The following PCDH11X variants were observed in gnomAD, a reference collection of about 807,000 sequenced individuals.
The protein encoded by PCDH11X is protocadherin 11 X-linked.
A neutral mutation model predicts 53.3 loss-of-function variants in PCDH11X; 18 were observed. The ratio of observed to expected loss-of-function variants is 0.34; its 90% CI spans 0.23 to 0.50. The LOEUF (loss-of-function observed/expected upper bound fraction) is 0.50. PCDH11X is among the 20% of genes least tolerant of loss of function. The pLI, the probability that PCDH11X is intolerant of heterozygous loss-of-function variation, is 0.98. For missense variants in PCDH11X, 570 were observed against 1,032.4 expected (o/e 0.55, Z 6.14); for synonymous variants, 279 against 393.3 (o/e 0.71, Z 3.44).
At chrX:92,276,838 C>G (rs2068105197) in intron 8 of PCDH11X, among the ~76,000 whole-genome samples, 1 of 111,354 alleles carries the variant, frequency 9.0e-6, no homozygotes, top group Non-Finnish European at 1.9e-5. Flanking sequence ...AGGGTTGCTG[C>G]CAAACGAGTC....
chrX:92,118,992 C>T (rs995708513), intron 6 of PCDH11X, among the ~76,000 whole-genome samples: 1 of 110,445 alleles, frequency 9.1e-6, no homozygotes, highest in Non-Finnish European at 1.9e-5. Flanking sequence ...CCGCCCTCCT[C>T]AGCCTCCCAA....
At chrX:91,947,438 A>C (rs1467020964) in intron 6 of PCDH11X, among the ~76,000 whole-genome samples, 1 of 98,675 alleles carries the variant, frequency 1.0e-5, no homozygotes, top group Non-Finnish European at 2.1e-5. Context: ...TGTCATTTTT[A>C]AGATGCACCT....
Position 92,622,934 on chromosome X carries a change from G to T in PCDH11X, c.*3994G>T, listed in dbSNP as rs924587371. 1.3e-4 allele frequency: 15 copies of T among 111,345 alleles called. No homozygotes were observed. Among genetic ancestry groups the T allele is most frequent in the African/African-American group, 4.6e-4 (14 of 30,642 alleles). The allele number at this position is 111,345 out of a possible 1,213,427, so 9.2% of individuals were successfully genotyped here. A position where few individuals can be genotyped will look rare whatever the true frequency, so the allele number is the denominator to read the frequency against. Reference sequence around the variant, plus strand: ...GTGATTGTAAGTGATACTTTTTAAAGAGTAAACTGTGTGAAATTTATACTA... The same window carrying T: ...GTGATTGTAAGTGATACTTTTTAAATAGTAAACTGTGTGAAATTTATACTA... On this transcript the variant is annotated 3_prime_UTR_variant, in exon 11 of 11. Coordinates refer to ENST00000682573, the MANE Select transcript of PCDH11X (RefSeq NM_032968.5).
At chrX:92,279,649 C>CTTTT (rs2068202894) in intron 8 of PCDH11X, among the ~76,000 whole-genome samples, 1 of 112,176 alleles carries the variant, frequency 8.9e-6, no homozygotes, top group Non-Finnish European at 1.9e-5. Flanking sequence ...TTTAAACAAA[C>CTTTT]GCTCCTATTA....
At chrX:92,522,539 G>A (rs1312500185) in intron 10 of PCDH11X, among the ~76,000 whole-genome samples, 8 of 111,079 alleles carry the variant, frequency 7.2e-5, no homozygotes, top group African/African-American at 2.6e-4. Flanking sequence ...GTAAGCACAC[G>A]CTGTTAGAAA....
chrX:92,113,222 C>G (rs1235246526), intron 6 of PCDH11X: 1 of 1,172,294 alleles, frequency 8.5e-7, no homozygotes. Flanking sequence ...CTGGCTGGGG[C>G]TGGGTGGCAG....
rs754821731 is a variant in PCDH11X, at chrX:91,801,404, T to C, written c.-378-8062T>C. 5.5e-5 allele frequency among the ~76,000 whole-genome samples: 6 copies of C among 109,972 alleles called. No individual in the cohort carries two copies. The East Asian group carries it at 1.7e-3, about 32-fold the overall frequency. On this transcript the variant is annotated intron_variant, in intron 1 of 10. Coordinates refer to ENST00000682573, the MANE Select transcript of PCDH11X (RefSeq NM_032968.5). ...TCGGCTGCATATTGTGCCTGAATAA[T>C]GGAGATTTCTTCAACAGAAACTGTT...
intron 6 of PCDH11X, among the ~76,000 whole-genome samples, chrX:91,964,405 C>T (rs1445664426): frequency 9.0e-6 from 1 of 110,987 alleles, no homozygotes; most frequent in Non-Finnish European, 1.9e-5. Flanking sequence ...TTATCAGAGT[C>T]TTGCCTAAGA....
rs745509523 is a variant in PCDH11X, at chrX:92,342,833, C to T, written c.3145-44902C>T. Among the ~76,000 whole-genome samples, 4 of 110,521 alleles carry T rather than the reference C, an allele frequency of 3.6e-5. No individual in the cohort carries two copies. The East Asian group carries it at 1.1e-3, about 32-fold the overall frequency. ...CTTGGTAGGAAACCTGCACATGTACCACCTGAATTTAAAATAAAAATAGAA... is the reference window on the plus strand; with the variant it reads ...CTTGGTAGGAAACCTGCACATGTACTACCTGAATTTAAAATAAAAATAGAA... On this transcript the variant is annotated intron_variant, in intron 8 of 10. Transcript: ENST00000682573.
chrX:92,274,320 C>T (rs1484851030), intron 8 of PCDH11X, among the ~76,000 whole-genome samples: 3 of 107,357 alleles, frequency 2.8e-5, no homozygotes, highest in South Asian at 3.9e-4. Flanking sequence ...AGACGGAGGA[C>T]GGTAAGGGAT....
At chrX:92,128,860 ATATAAT>A (rs2064920426) in intron 6 of PCDH11X, among the ~76,000 whole-genome samples, 1 of 110,669 alleles carries the variant, frequency 9.0e-6, no homozygotes, top group South Asian at 3.8e-4. Context: ...TTCTCAGGTG[ATATAAT>A]TAATATTATA....
At chrX:92,559,126 TGTAATTA>T (rs932289895) in intron 10 of PCDH11X, among the ~76,000 whole-genome samples, 40 of 111,270 alleles carry the variant, frequency 3.6e-4, no homozygotes, top group African/African-American at 1.3e-3. Flanking sequence ...TTGGGTATTT[TGTAATTA>T]ACTCAAAGGC....
rs57761605 is a variant in PCDH11X at position 92,499,636 on chromosome X, C to CAAAAAA, written c.3367+31354_3367+31359dup. Among the ~76,000 whole-genome samples, 15 of 17,275 alleles carry CAAAAAA rather than the reference C, an allele frequency of 8.7e-4. 2 individuals carry two copies. Among genetic ancestry groups the CAAAAAA allele is most frequent in the Non-Finnish European group, 1.1e-3 (12 of 10,833 alleles). The allele number at this position is 17,275 out of a possible 115,157, so 15.0% of individuals were successfully genotyped here. A position where few individuals can be genotyped will look rare whatever the true frequency, so the allele number is the denominator to read the frequency against. Reference sequence around the variant, plus strand: ...GCATCATAGTAAAACCCTGTCTCTACAAAAAAAAAAAAAAAAAAAAAAAAA... The same window carrying CAAAAAA: ...GCATCATAGTAAAACCCTGTCTCTACAAAAAAAAAAAAAAAAAAAAAAAAAAAAAAA... On this transcript the variant is annotated intron_variant, in intron 10 of 10. Transcript: ENST00000682573.
At chrX:92,032,387 C>T (rs2063065313) in intron 6 of PCDH11X, among the ~76,000 whole-genome samples, 2 of 110,799 alleles carry the variant, frequency 1.8e-5, no homozygotes, top group Admixed American at 9.7e-5. Flanking sequence ...CTTGTGGGGT[C>T]CTTAGGTTTT....
intron 8 of PCDH11X, among the ~76,000 whole-genome samples, chrX:92,277,988 G>A (rs2148439364): frequency 8.9e-6 from 1 of 111,784 alleles, no homozygotes; most frequent in African/African-American, 3.2e-5. Context: ...AATCAGAGAG[G>A]CGTCCCTGCA....
chrX:92,122,397 A>G (rs1297908802), intron 6 of PCDH11X, among the ~76,000 whole-genome samples: 2 of 111,907 alleles, frequency 1.8e-5, no homozygotes, highest in Admixed American at 1.9e-4. Context: ...TTATTGAGCC[A>G]TGAACTGGTT....
intron 10 of PCDH11X, among the ~76,000 whole-genome samples, chrX:92,527,158 A>G (rs35746832): frequency 4.8e-4 from 54 of 111,611 alleles, no homozygotes; most frequent in African/African-American, 1.6e-3. Context: ...GAGATGGTTA[A>G]TGGGCCCAAA....
At chrX:92,494,127 G>T (rs1281842765) in intron 10 of PCDH11X, among the ~76,000 whole-genome samples, 2 of 109,758 alleles carry the variant, frequency 1.8e-5, no homozygotes, top group Non-Finnish European at 3.8e-5. Context: ...TATTCTAAAG[G>T]TAGTTAAGAG....
At chrX:91,882,569 AAAAC>A (rs748361815) in intron 6 of PCDH11X, among the ~76,000 whole-genome samples, 118 of 110,481 alleles carry the variant, frequency 1.1e-3, no homozygotes, top group South Asian at 1.9e-3. Context: ...CATTTTCCAA[AAAAC>A]AAACAAACAA....
Sources: allele counts gnomAD v4.1 joint callset (sites outside exome capture counted in the v4.1 genomes callset), GRCh38; gene constraint gnomAD v4.1.1; transcripts MANE v1.5; gene names NCBI Gene and HGNC (gene_info 2026-07-23, HGNC 2026-07-21).